BTBD16: variants seen among roughly 807,000 people sequenced by gnomAD.
BTBD16 encodes BTB domain containing 16.
A neutral mutation model predicts 67.4 loss-of-function variants in BTBD16; 66 were observed. The ratio of observed to expected loss-of-function variants is 0.98; its 90% CI spans 0.80 to 1.20. The LOEUF is 1.20. BTBD16 is among the 50% of genes most tolerant of loss of function. The pLI is 0.00. For missense variants in BTBD16, 634 were observed against 616.0 expected (o/e 1.03, Z -0.31); for synonymous variants, 242 against 236.4 (o/e 1.02, Z -0.22).
At chr10:122,280,376 G>A (rs2096350306) in intron 3 of BTBD16, among the ~76,000 whole-genome samples, 1 of 151,928 alleles carries the variant, frequency 6.6e-6, no homozygotes, top group Admixed American at 6.6e-5. Context: ...GACTGGGGAG[G>A]GGGCACCCCC....
chr10:122,332,446 G>T lies in BTBD16; in HGVS notation c.1097G>T (p.Gly366Val), dbSNP rs773524160. ...GCATTTTCCTTTCAGCTGGAGAATG[G>T]GGGCGACATGGTCCACCTGAAAGAT... is the stretch of plus-strand genomic sequence containing the variant. ...TVNHYHALEN[G>V]GDMVHLKDLN... The change falls in exon 13 of 16, where the codon GGG becomes GTG. Residue 366 changes from glycine to valine, a missense_variant. Transcript: ENST00000260723. 1.4e-5 allele frequency: 22 copies of T among 1,613,866 alleles called. No individual in the cohort carries two copies. In the African/African-American group the frequency reaches 2.8e-4, roughly 21 times the overall value.
chr10:122,285,819 C>T (rs1188741551), intron 4 of BTBD16, among the ~76,000 whole-genome samples: 1 of 152,138 alleles, frequency 6.6e-6, no homozygotes, highest in African/African-American at 2.4e-5. Flanking sequence ...CATTGGAGGG[C>T]AGCACAAGTG....
chr10:122,329,668 A>G, intron 11 of BTBD16, 97 bp downstream of exon 11: 1 of 1,000,558 alleles, frequency 1.0e-6, no homozygotes, highest in South Asian at 1.4e-5. Flanking sequence ...GATGTTTCCA[A>G]GGGAATCACC....
At chr10:122,311,366 C>A (rs1437791580) in intron 10 of BTBD16, among the ~76,000 whole-genome samples, 1 of 152,194 alleles carries the variant, frequency 6.6e-6, no homozygotes, top group Non-Finnish European at 1.5e-5. Flanking sequence ...CACAACTACA[C>A]ACATCTAAAG....
chr10:122,294,695 A>C (rs1426741459), intron 7 of BTBD16, among the ~76,000 whole-genome samples: 3 of 152,226 alleles, frequency 2.0e-5, no homozygotes, highest in African/African-American at 7.2e-5. Context: ...GGTCCTTTAG[A>C]ATTTCCAGAA....
At chr10:122,322,901 C>A (rs751062754) in intron 10 of BTBD16, among the ~76,000 whole-genome samples, 3 of 152,154 alleles carry the variant, frequency 2.0e-5, no homozygotes, top group Non-Finnish European at 4.4e-5. Flanking sequence ...TCTCTGTAAG[C>A]TTTCTCACTT....
chr10:122,307,417 C>A, intron 10 of BTBD16, 109 bp downstream of exon 10: 1 of 1,170,666 alleles, frequency 8.5e-7, no homozygotes, highest in Non-Finnish European at 1.2e-6. Context: ...TTCATAGCAT[C>A]ATTCAGAGGG....
At chr10:122,303,588 G>A (rs2096398021) in intron 9 of BTBD16, 1 of 385,978 alleles carries the variant, frequency 2.6e-6, no homozygotes. Flanking sequence ...TTACTCACAT[G>A]GTCATGGCTT....
chr10:122,293,959 T>C (rs550337153), intron 7 of BTBD16: 1 of 188,516 alleles, frequency 5.3e-6, no homozygotes, highest in South Asian at 1.8e-4. Flanking sequence ...GGGCAGCTTC[T>C]TCATCCTCCT....
rs971907713 is a variant in BTBD16, at chr10:122,295,308, G to C, written c.591-2460G>C. 5 of 985,438 alleles carry C rather than the reference G, an allele frequency of 5.1e-6. No homozygotes were observed. The African/African-American group carries it at 8.7e-5, about 17-fold the overall frequency. The allele number at this position is 985,438 out of a possible 1,614,324, so 61.0% of individuals were successfully genotyped here. A position where few individuals can be genotyped will look rare whatever the true frequency, so the allele number is the denominator to read the frequency against. ...CTGGAAGAATTACAGCAGTCAAAGGGGGAGAAAGAGGGGACAGGGTGGAGC... is the reference window on the plus strand; with the variant it reads ...CTGGAAGAATTACAGCAGTCAAAGGCGGAGAAAGAGGGGACAGGGTGGAGC... On this transcript the variant is annotated intron_variant, in intron 7 of 15. Coordinates refer to ENST00000260723, the MANE Select transcript of BTBD16 (RefSeq NM_144587.5).
chr10:122,322,677 T>C lies in BTBD16; in HGVS notation c.912-6803T>C, dbSNP rs539953088. ...AATATGGCACCTGTGGAAGATGATC[T>C]TATTTTGGATTAATTATGGTGAATT... On this transcript the variant is annotated intron_variant, in intron 10 of 15. Coordinates refer to ENST00000260723, the MANE Select transcript of BTBD16 (RefSeq NM_144587.5). Among the ~76,000 whole-genome samples, 5 of 152,344 alleles carry C rather than the reference T, an allele frequency of 3.3e-5. No individual in the cohort carries two copies. The South Asian group carries it at 6.2e-4, about 19-fold the overall frequency.
chr10:122,327,594 G>C, intron 10 of BTBD16: 2 of 985,430 alleles, frequency 2.0e-6, no homozygotes, highest in Non-Finnish European at 2.4e-6. Context: ...TTGGTTGGAT[G>C]ATGAGATGAC....
At position 122,333,984 on chromosome 10, in the gene BTBD16, A is replaced by T. The variant is rs915914624; in HGVS notation, c.1165-897A>T. ...TAAAAGCATTAATATGTGGTATAGA[A>T]TTTTTTTTTAACTCAGGTTGATATT... On this transcript the variant is annotated intron_variant, in intron 13 of 15. Transcript: ENST00000260723. 4.6e-5 allele frequency among the ~76,000 whole-genome samples: 7 copies of T among 151,482 alleles called. No individual in the cohort carries two copies. In the East Asian group the frequency reaches 9.7e-4, roughly 21 times the overall value.
intron 2 of BTBD16, among the ~76,000 whole-genome samples, chr10:122,276,516 C>T (rs1332702260): frequency 6.6e-6 from 1 of 152,146 alleles, no homozygotes; most frequent in Non-Finnish European, 1.5e-5. Context: ...AGAGAGCTAC[C>T]TGCAAAAAAC....
intron 7 of BTBD16, among the ~76,000 whole-genome samples, chr10:122,294,374 TCA>T (rs2096379386): frequency 6.6e-6 from 1 of 152,234 alleles, no homozygotes; most frequent in South Asian, 2.1e-4. Flanking sequence ...TAATTCTGAA[TCA>T]CACATACCTG....
At chr10:122,332,586 G>C in intron 13 of BTBD16, 73 bp downstream of exon 13, 1 of 1,479,672 alleles carries the variant, frequency 6.8e-7, no homozygotes, top group Non-Finnish European at 9.4e-7. Flanking sequence ...TTGGAGGGCA[G>C]CCATGATCAC....
At chr10:122,297,652 T>C in intron 7 of BTBD16, 116 bp from the exon 8 acceptor site, 1 of 1,115,420 alleles carries the variant, frequency 9.0e-7, no homozygotes, top group Non-Finnish European at 1.3e-6. Flanking sequence ...AAAGCGAGGC[T>C]CCCTTCCGTT....
At chr10:122,294,165 T>G (rs2096378974) in intron 7 of BTBD16, 1 of 985,318 alleles carries the variant, frequency 1.0e-6, no homozygotes, top group African/African-American at 1.7e-5. Context: ...ATAGTTGGGC[T>G]GGGTCTTGCC....
At chr10:122,317,678 A>T (rs1404926780) in intron 10 of BTBD16, among the ~76,000 whole-genome samples, 4 of 151,914 alleles carry the variant, frequency 2.6e-5, no homozygotes, top group Non-Finnish European at 5.9e-5. Flanking sequence ...AAAAACAAAA[A>T]AACAACAAAA....
Sources: allele counts gnomAD v4.1 joint callset (sites outside exome capture counted in the v4.1 genomes callset), GRCh38; gene constraint gnomAD v4.1.1; transcripts MANE v1.5; gene names NCBI Gene and HGNC (gene_info 2026-07-23, HGNC 2026-07-21).